The following ACTN1 variants were observed in gnomAD, a reference collection of about 807,000 sequenced individuals.
ACTN1 encodes actinin alpha 1.
In ACTN1, 30 loss-of-function variants were observed where a neutral mutation model predicts 119.6. The ratio of observed to expected loss-of-function variants is 0.25; its 90% CI spans 0.19 to 0.34. The LOEUF (loss-of-function observed/expected upper bound fraction) is 0.34. Ranked by LOEUF, ACTN1 falls within the 10% of genes least tolerant of loss-of-function variation. The probability of loss-of-function intolerance (pLI) is 1.00; values close to 1 mark genes in which losing one functional copy is unlikely to be tolerated. For synonymous variants in ACTN1, 429 were observed against 472.6 expected, an observed-to-expected ratio of 0.91 and a Z score of 1.20; for missense variants, 764 against 1,223.4, an observed-to-expected ratio of 0.62 and a Z score of 5.60.
At chr14:68,890,317 C>G (rs1325785617) in intron 10 of ACTN1, 31 bp from the exon 11 acceptor site, 6 of 1,611,538 alleles carry the variant, frequency 3.7e-6, no homozygotes, top group Admixed American at 1.7e-5. Flanking sequence ...GGGTCAGGGT[C>G]TGGCTTGGGC....
chr14:68,947,671 C>G lies in ACTN1; in HGVS notation c.106-21999G>C, dbSNP rs115215747. On this transcript the variant is annotated intron_variant, in intron 1 of 21. Coordinates refer to ENST00000394419, the MANE Select transcript of ACTN1 (RefSeq NM_001130004.2). ...ATTCCCTCCCCCAAGCCTGGACAGG[C>G]CGGTCCCAATCATCCCACAGGAGAA... 726 of 152,376 alleles carry G rather than the reference C, an allele frequency of 4.8e-3. 3 individuals are homozygous for G. Among genetic ancestry groups the G allele is most frequent in the African/African-American group, 0.016 (672 of 41,572 alleles). The allele number at this position is 152,376 out of a possible 1,614,324, so 9.4% of individuals were successfully genotyped here.
chr14:68,906,473 A>T (rs1276983295), intron 6 of ACTN1, among the ~76,000 whole-genome samples: 1 of 152,150 alleles, frequency 6.6e-6, no homozygotes, highest in African/African-American at 2.4e-5. Context: ...AATTGCTCTA[A>T]ACAGAGAAGG....
intron 8 of ACTN1, among the ~76,000 whole-genome samples, chr14:68,896,277 G>A (rs148389518): frequency 2.8e-4 from 43 of 152,214 alleles, no homozygotes; most frequent in African/African-American, 1.0e-3. Flanking sequence ...TCCCCCTACA[G>A]GCAGGATGCA....
intron 1 of ACTN1, among the ~76,000 whole-genome samples, chr14:68,969,944 C>T (rs755960837): frequency 3.3e-5 from 5 of 152,132 alleles, no homozygotes; most frequent in Non-Finnish European, 4.4e-5. Context: ...CTTGAAGTTG[C>T]CTCCCCTCCC....
intron 1 of ACTN1, among the ~76,000 whole-genome samples, chr14:68,965,778 G>T (rs2140641776): frequency 6.6e-6 from 1 of 152,296 alleles, no homozygotes; most frequent in African/African-American, 2.4e-5. Context: ...CATTCACCTG[G>T]CCCCACTTGC....
intron 11 of ACTN1, chr14:68,887,937 CT>C: frequency 7.8e-6 from 7 of 897,084 alleles, no homozygotes; most frequent in Non-Finnish European, 1.3e-5. Flanking sequence ...TTTGTTTGCA[CT>C]TTTTTGTCTG....
At chr14:68,883,398 C>A (rs1322228162) in intron 14 of ACTN1, 1 of 241,934 alleles carries the variant, frequency 4.1e-6, no homozygotes, top group African/African-American at 2.2e-5. Flanking sequence ...CTTTTAAATC[C>A]AGTATTCTGC....
At chr14:68,942,939 G>A (rs1383064810) in intron 1 of ACTN1, among the ~76,000 whole-genome samples, 1 of 152,132 alleles carries the variant, frequency 6.6e-6, no homozygotes, top group Non-Finnish European at 1.5e-5. Flanking sequence ...GCCCCGAGAT[G>A]ACACTGGGCC....
Position 68,875,037 on chromosome 14 carries a change from AG to A in ACTN1, c.2587-21del, listed in dbSNP as rs776909803. On this transcript the variant is annotated intron_variant, in intron 21 of 21. Transcript: ENST00000394419. ...GTAGTTCTGCGAGGAGAGAGTGGTC[AG>A]GAAGGCCGCAAAGTCCAGCAGCCGT... 6.8e-6 allele frequency: 11 copies of A among 1,611,010 alleles called. No homozygotes were observed. In the South Asian group the frequency reaches 8.8e-5, roughly 13 times the overall value.
intron 1 of ACTN1, among the ~76,000 whole-genome samples, chr14:68,935,843 T>C (rs2035475637): frequency 6.6e-6 from 1 of 152,198 alleles, no homozygotes; most frequent in South Asian, 2.1e-4. Flanking sequence ...CAAGACTAGC[T>C]GGGCAGTGGT....
chr14:68,926,728 T>A (rs1385888655), intron 1 of ACTN1, among the ~76,000 whole-genome samples: 1 of 152,178 alleles, frequency 6.6e-6, no homozygotes, highest in African/African-American at 2.4e-5. Context: ...GAAATACTCT[T>A]CCTCATGGGA....
Position 68,909,818 on chromosome 14 carries a change from T to C in ACTN1, c.515+137A>G. On this transcript the variant is annotated intron_variant, in intron 5 of 21. Transcript: ENST00000394419. The surrounding 1 kb of genome is among the most constrained non-coding windows in gnomAD (Gnocchi z 4.1). ...GATTCAGAGCGATGGCGACATCCCC[T>C]TCCCAAGGAAAGCTACTTCTTCCCC... 1 of 706,584 alleles carries C rather than the reference T, an allele frequency of 1.4e-6. No homozygotes were observed. Among genetic ancestry groups the C allele is most frequent in the South Asian group, 1.8e-5 (1 of 55,390 alleles). 43.8% of individuals were successfully genotyped at this position (706,584 alleles called of 1,614,324 possible). A position where few individuals can be genotyped will look rare whatever the true frequency, so the allele number is the denominator to read the frequency against.
chr14:68,902,696 T>G, intron 7 of ACTN1, 134 bp from the exon 8 acceptor site: 1 of 703,226 alleles, frequency 1.4e-6, no homozygotes. Context: ...AACCAGCCTC[T>G]GGCGTCAACT....
At chr14:68,924,376 A>C (rs923042293) in intron 2 of ACTN1, among the ~76,000 whole-genome samples, 3 of 152,146 alleles carry the variant, frequency 2.0e-5, no homozygotes, top group African/African-American at 7.3e-5. Context: ...CACAGGAAAC[A>C]GAAAGTGCAT....
At chr14:68,977,519 C>T (rs538659079) in intron 1 of ACTN1, 1 of 192,838 alleles carries the variant, frequency 5.2e-6, no homozygotes, top group African/African-American at 2.4e-5. Context: ...GCCTTGGGCA[C>T]CGCGGCCCAG....
At position 68,904,025 on chromosome 14, in the gene ACTN1, C is replaced by G. The variant is rs77883736; in HGVS notation, c.676+630G>C. 7.1e-3 allele frequency among the ~76,000 whole-genome samples: 1,076 copies of G among 152,266 alleles called. 9 individuals carry two copies. Among genetic ancestry groups the G allele is most frequent in the African/African-American group, 0.022 (929 of 41,532 alleles). ...GGTGAGGAACAGAAAAGTCAACACT[C>G]AACTTGGGCCCCCTCCTTCCTTCCC... On this transcript the variant is annotated intron_variant, in intron 7 of 21. Coordinates refer to ENST00000394419, the MANE Select transcript of ACTN1 (RefSeq NM_001130004.2).
intron 14 of ACTN1, 103 bp downstream of exon 14, chr14:68,884,065 T>A (rs918606545): frequency 8.1e-7 from 1 of 1,241,730 alleles, no homozygotes; most frequent in Non-Finnish European, 1.1e-6. Context: ...ATAAAATCCT[T>A]AGGATGCTCT....
intron 1 of ACTN1, among the ~76,000 whole-genome samples, chr14:68,972,035 C>A (rs1369078803): frequency 1.3e-5 from 2 of 152,134 alleles, no homozygotes; most frequent in African/African-American, 4.8e-5. Context: ...CTCACTTGGA[C>A]TCCCACCCTG....
At chr14:68,924,396 G>A (rs2034811071) in intron 2 of ACTN1, among the ~76,000 whole-genome samples, 1 of 152,254 alleles carries the variant, frequency 6.6e-6, no homozygotes, top group African/African-American at 2.4e-5. Context: ...TGTCATCTGG[G>A]GAGAGCTGCA....
Sources: allele counts gnomAD v4.1 joint callset (sites outside exome capture counted in the v4.1 genomes callset), GRCh38; gene constraint gnomAD v4.1.1; non-coding constraint Gnocchi (gnomAD v3.1); transcripts MANE v1.5; gene names NCBI Gene and HGNC (gene_info 2026-07-23, HGNC 2026-07-21).